SOD2: variants seen among roughly 807,000 people sequenced by gnomAD.
SOD2 encodes superoxide dismutase [Mn], mitochondrial.
SOD2 carries 11 observed loss-of-function variants against 27.0 expected under a neutral mutation model. The observed-to-expected ratio is 0.41, with a 90% CI of 0.26 to 0.67. The LOEUF (loss-of-function observed/expected upper bound fraction) is 0.67, where lower values mean the gene tolerates loss of function less well. Among genes scored for constraint, SOD2 ranks in the 30% least tolerant of loss-of-function variants. SOD2 has a pLI of 0.34. For synonymous variants in SOD2, 105 were observed against 103.0 expected, an observed-to-expected ratio of 1.02 and a Z score of -0.12; for missense variants, 250 against 274.5, an observed-to-expected ratio of 0.91 and a Z score of 0.63.
upstream of SOD2, among the ~76,000 whole-genome samples, chr6:159,746,702 T>G (rs1162606400): frequency 1.3e-5 from 2 of 152,218 alleles, no homozygotes; most frequent in Non-Finnish European, 2.9e-5. Context: ...ATCTGTCATT[T>G]TTGTTCACCT....
chr6:159,734,931 A>T (rs1583071418), intron 1 of SOD2, among the ~76,000 whole-genome samples: 1 of 151,936 alleles, frequency 6.6e-6, no homozygotes, highest in Admixed American at 6.6e-5. Context: ...GTGGATTTGT[A>T]GTTTAATGAA....
upstream of SOD2, among the ~76,000 whole-genome samples, chr6:159,695,536 C>T (rs1320526450): frequency 6.6e-6 from 1 of 152,146 alleles, no homozygotes; most frequent in Admixed American, 6.5e-5. Context: ...TTCTTTTTGT[C>T]GCCCAGGCTG....
At chr6:159,730,134 TATTA>T (rs1379943516), upstream of SOD2, among the ~76,000 whole-genome samples, 2 of 152,306 alleles carry the variant, frequency 1.3e-5, no homozygotes, top group South Asian at 2.1e-4. Flanking sequence ...ACCCCCAATT[TATTA>T]ATTAATAGCT....
chr6:159,718,305 C>T (rs1777961900), intron 1 of SOD2, among the ~76,000 whole-genome samples: 1 of 152,124 alleles, frequency 6.6e-6, no homozygotes, highest in Admixed American at 6.6e-5. Context: ...GTCATATATA[C>T]CACATTTTCC....
upstream of SOD2, chr6:159,748,080 G>A: frequency 7.7e-7 from 1 of 1,307,026 alleles, no homozygotes; most frequent in Non-Finnish European, 1.0e-6. The surrounding 1 kb of genome is among the most constrained non-coding windows in gnomAD (Gnocchi z 5.6). Context: ...TCAAAGAGGG[G>A]AGGAGCTTAA....
rs1238422193 is a variant in SOD2, at chr6:159,681,839, T to C, written c.*654A>G. 1.3e-5 allele frequency: 2 copies of C among 152,208 alleles called. No homozygotes were observed. The highest frequency in any genetic ancestry group is 1.3e-4 in the Admixed American group (2 of 15,276). 9.4% of individuals were successfully genotyped at this position (152,208 alleles called of 1,614,324 possible). A position where few individuals can be genotyped will look rare whatever the true frequency, so the allele number is the denominator to read the frequency against. ...TTCTCCTTGCTTGGCGCCCTGCAAATAAACATCCTCCTTTCTCCTACTGCA... is the reference window on the plus strand; with the variant it reads ...TTCTCCTTGCTTGGCGCCCTGCAAACAAACATCCTCCTTTCTCCTACTGCA... On this transcript the variant is annotated 3_prime_UTR_variant, in exon 5 of 5. Coordinates refer to ENST00000538183, the MANE Select transcript of SOD2 (RefSeq NM_000636.4).
At chr6:159,734,700 T>C (rs1175644784) in intron 1 of SOD2, among the ~76,000 whole-genome samples, 1 of 152,198 alleles carries the variant, frequency 6.6e-6, no homozygotes, top group African/African-American at 2.4e-5. Flanking sequence ...TTACTTAATT[T>C]GTATAAGTTA....
At chr6:159,694,008 AT>A (rs1777367209), upstream of SOD2, among the ~76,000 whole-genome samples, 1 of 152,150 alleles carries the variant, frequency 6.6e-6, no homozygotes, top group East Asian at 1.9e-4. Flanking sequence ...GGTATTATTG[AT>A]TCTAGTAATA....
intron 1 of SOD2, chr6:159,739,077 T>G: frequency 6.4e-7 from 1 of 1,553,066 alleles, no homozygotes; most frequent in Non-Finnish European, 8.9e-7. Context: ...AACAAAGTCT[T>G]TCTATAGAAC....
At position 159,688,154 on chromosome 6, in the gene SOD2, G is replaced by A. The variant is rs772223639; in HGVS notation, c.315C>T (p.Leu105=). 3 of 1,612,274 alleles carry A rather than the reference G, an allele frequency of 1.9e-6. No homozygotes were observed. Among genetic ancestry groups the A allele is most frequent in the Non-Finnish European group, 2.5e-6 (3 of 1,178,362 alleles). ...HINHSIFWTN[L]SPNGGGEPKG... ...TGGGTTCTCCACCACCGTTAGGGCTGAGGTTTGTCCAGAAAATGCTATGAT... is the reference window on the plus strand; with the variant it reads ...TGGGTTCTCCACCACCGTTAGGGCTAAGGTTTGTCCAGAAAATGCTATGAT... The change falls in exon 3 of 5, where the codon CTC becomes CTT. Residue 105 remains leucine (L), a synonymous_variant. Coordinates refer to ENST00000538183, the MANE Select transcript of SOD2 (RefSeq NM_000636.4).
chr6:159,682,872 T>C (rs578111036), intron 4 of SOD2, among the ~76,000 whole-genome samples: 1 of 152,362 alleles, frequency 6.6e-6, no homozygotes. Context: ...AAAATAGACT[T>C]GGGAAAATTA....
At chr6:159,718,552 A>G (rs915183286) in intron 1 of SOD2, among the ~76,000 whole-genome samples, 1 of 152,232 alleles carries the variant, frequency 6.6e-6, no homozygotes, top group Non-Finnish European at 1.5e-5. Flanking sequence ...TAAATGTTAT[A>G]GCTTTAATTA....
At chr6:159,741,612 A>G (rs755993849) in intron 1 of SOD2, 1 of 153,670 alleles carries the variant, frequency 6.5e-6, no homozygotes, top group Non-Finnish European at 1.5e-5. Flanking sequence ...TTCTCAGCAG[A>G]AAAAACCTTC....
In SOD2 at chr6:159,690,282, G is replaced by A. The variant is rs1042813451; in HGVS notation, c.227-2040C>T. Among the ~76,000 whole-genome samples the A allele has an allele frequency of 4.3e-5, 4 of 93,560 alleles. No individual in the cohort carries two copies. The Admixed American group carries it at 5.3e-4, about 12-fold the overall frequency. 61.4% of individuals were successfully genotyped at this position (93,560 alleles called of 152,430 possible). A position where few individuals can be genotyped will look rare whatever the true frequency, so the allele number is the denominator to read the frequency against. ...AACCTGCGGGACAGACTGAGATTCCGTCAAAAAAAAAAAAAAAAAAAAAAG... is the reference window on the plus strand; with the variant it reads ...AACCTGCGGGACAGACTGAGATTCCATCAAAAAAAAAAAAAAAAAAAAAAG... On this transcript the variant is annotated intron_variant, in intron 2 of 4. Transcript: ENST00000538183.
intron 1 of SOD2, among the ~76,000 whole-genome samples, chr6:159,734,846 C>T (rs963149750): frequency 6.6e-6 from 1 of 151,876 alleles, no homozygotes; most frequent in African/African-American, 2.4e-5. Flanking sequence ...ATGTCGTATA[C>T]TTTTTTTTCC....
chr6:159,735,002 T>C lies in SOD2; in HGVS notation c.-116+10128A>G, dbSNP rs1220610333. Reference sequence around the variant, plus strand: ...CATAATAAAGTGTTCCCTACTTGAATTCATTAACCTATCTTTGAAACAGGG... The same window carrying C: ...CATAATAAAGTGTTCCCTACTTGAACTCATTAACCTATCTTTGAAACAGGG... On this transcript the variant is annotated intron_variant, in intron 1 of 3. Coordinates refer to the SOD2 transcript ENST00000537657. 2.0e-5 allele frequency among the ~76,000 whole-genome samples: 3 copies of C among 152,228 alleles called. No homozygotes were observed. In the East Asian group the frequency reaches 5.8e-4, roughly 29 times the overall value.
chr6:159,712,028 A>AGG (rs1562438003), intron 1 of SOD2, among the ~76,000 whole-genome samples: 5 of 34,120 alleles, frequency 1.5e-4, no homozygotes, highest in Non-Finnish European at 2.5e-4. Flanking sequence ...CACCACTCAC[A>AGG]CTGCTCAGAC....
chr6:159,761,461 C>T (rs1359715823), exon 1 of SOD2: 2 of 451,428 alleles, frequency 4.4e-6, no homozygotes, highest in South Asian at 3.1e-5. Context: ...AGGCAGGGGG[C>T]TCGCACCGAG....
intron 1 of SOD2, chr6:159,742,045 CTATTT>C (rs758738546): frequency 1.2e-5 from 16 of 1,371,228 alleles, no homozygotes; most frequent in Admixed American, 2.0e-5. Context: ...ATTTAATAAA[CTATTT>C]TATCGTAACA....
Sources: gnomAD v4.1 joint callset for allele counts (sites outside exome capture counted in the v4.1 genomes callset) on GRCh38, gnomAD v4.1.1 for gene constraint, Gnocchi (gnomAD v3.1) non-coding constraint, MANE v1.5 for transcripts, NCBI Gene and HGNC (gene_info 2026-07-23, HGNC 2026-07-21) for gene names.